The following MGAT4C variants were observed in gnomAD, a reference collection of about 807,000 sequenced individuals.
MGAT4C encodes MGAT4 family member C.
MGAT4C carries 19 observed loss-of-function variants against 40.1 expected under a neutral mutation model. That is an observed-to-expected ratio of 0.47 (90% CI 0.33 to 0.70). The LOEUF is 0.70. Among genes scored for constraint, MGAT4C ranks in the 30% least tolerant of loss-of-function variants. MGAT4C has a pLI of 0.02. For synonymous variants in MGAT4C, 181 were observed against 187.1 expected (o/e 0.97, Z 0.27); for missense variants, 491 against 563.2 (o/e 0.87, Z 1.30).
chr12:86,065,061 A>T (rs1404510601), intron 1 of MGAT4C, among the ~76,000 whole-genome samples: 2 of 152,200 alleles, frequency 1.3e-5, no homozygotes, highest in Admixed American at 1.3e-4. Context: ...AAATTGGGGC[A>T]GTAATTAATA....
chr12:86,405,275 T>C (rs1352060150), intron 3 of MGAT4C, among the ~76,000 whole-genome samples: 2 of 151,992 alleles, frequency 1.3e-5, no homozygotes, highest in African/African-American at 4.8e-5. Flanking sequence ...AAAATGTTCC[T>C]AGAACTAATA....
At chr12:86,767,058 C>CA (rs1269601855) in intron 1 of MGAT4C, among the ~76,000 whole-genome samples, 1 of 152,022 alleles carries the variant, frequency 6.6e-6, no homozygotes, top group African/African-American at 2.4e-5. Context: ...AAAAACCCTT[C>CA]AAAAAATTAA....
intron 2 of MGAT4C, among the ~76,000 whole-genome samples, chr12:86,672,845 C>T (rs939537874): frequency 2.6e-5 from 4 of 152,054 alleles, no homozygotes; most frequent in African/African-American, 9.7e-5. Context: ...CCGCAGACTT[C>T]AGCATCATGC....
intron 2 of MGAT4C, among the ~76,000 whole-genome samples, chr12:86,026,899 C>G (rs1050417442): frequency 6.6e-6 from 1 of 151,834 alleles, no homozygotes; most frequent in Non-Finnish European, 1.5e-5. Context: ...ATTAAAGTAG[C>G]AACAGTGAAG....
At chr12:86,808,485 C>G (rs1403306060) in intron 1 of MGAT4C, among the ~76,000 whole-genome samples, 1 of 151,994 alleles carries the variant, frequency 6.6e-6, no homozygotes, top group Non-Finnish European at 1.5e-5. Flanking sequence ...ATACACAAAT[C>G]AATAAATGTA....
At chr12:86,637,033 A>C (rs1294349606) in intron 2 of MGAT4C, among the ~76,000 whole-genome samples, 1 of 151,912 alleles carries the variant, frequency 6.6e-6, no homozygotes, top group Non-Finnish European at 1.5e-5. Context: ...AGCAAGTAGA[A>C]GGAGGATTAT....
At chr12:86,762,384 CT>C (rs896764354) in intron 1 of MGAT4C, among the ~76,000 whole-genome samples, 2 of 152,008 alleles carry the variant, frequency 1.3e-5, no homozygotes, top group African/African-American at 2.4e-5. Flanking sequence ...GCTTAGGGTC[CT>C]TTTCCAAACT....
At chr12:86,385,823 CCTTT>C (rs1163984485) in intron 3 of MGAT4C, among the ~76,000 whole-genome samples, 2 of 152,174 alleles carry the variant, frequency 1.3e-5, no homozygotes, top group Non-Finnish European at 2.9e-5. Flanking sequence ...CTCACGGTAC[CCTTT>C]CTGTCTTCCA....
At chr12:86,734,806 C>T (rs1483962411) in intron 1 of MGAT4C, among the ~76,000 whole-genome samples, 3 of 152,016 alleles carry the variant, frequency 2.0e-5, no homozygotes, top group African/African-American at 7.2e-5. Flanking sequence ...ATACAGTAGC[C>T]TGAACTGATG....
At chr12:86,249,144 C>A (rs951159316) in intron 1 of MGAT4C, among the ~76,000 whole-genome samples, 1 of 152,082 alleles carries the variant, frequency 6.6e-6, no homozygotes, top group Non-Finnish European at 1.5e-5. Flanking sequence ...CTGACCCCAG[C>A]CCAATAGTAA....
At chr12:86,119,278 T>A (rs1878956354) in intron 1 of MGAT4C, among the ~76,000 whole-genome samples, 1 of 152,094 alleles carries the variant, frequency 6.6e-6, no homozygotes, top group Admixed American at 6.6e-5. Context: ...AAGACCCACT[T>A]CCAGAGCAAA....
At position 86,803,292 on chromosome 12, in the gene MGAT4C, G is replaced by A. The variant is rs923104068; in HGVS notation, c.-262+35374C>T. On this transcript the variant is annotated intron_variant, in intron 1 of 7. Coordinates refer to the MGAT4C transcript ENST00000548651. ...AGATGGATTAAAGATTTAAACGTTAGACCTAAAACCATAAAAACCCTAGAA... is the reference window on the plus strand; with the variant it reads ...AGATGGATTAAAGATTTAAACGTTAAACCTAAAACCATAAAAACCCTAGAA... Among the ~76,000 whole-genome samples the A allele has an allele frequency of 8.0e-3, 1,211 of 151,146 alleles. 10 individuals are homozygous for A. Among genetic ancestry groups the A allele is most frequent in the Non-Finnish European group, 0.014 (956 of 67,420 alleles).
chr12:86,182,257 C>T (rs1050884036), intron 1 of MGAT4C, among the ~76,000 whole-genome samples: 6 of 151,950 alleles, frequency 3.9e-5, no homozygotes, highest in East Asian at 1.9e-4. Flanking sequence ...TTTCTCTTCT[C>T]GCTTTTGACT....
rs911491377 is a variant in MGAT4C, at chr12:85,972,682, G to T, written c.*6607C>A. 6.6e-6 allele frequency: 1 copy of T among 150,752 alleles called. No homozygotes were observed. The highest frequency in any genetic ancestry group is 1.5e-5 in the Non-Finnish European group (1 of 67,126). The allele number at this position is 150,752 out of a possible 1,614,324, so 9.3% of individuals were successfully genotyped here. ...GCAAGTGTTACTTGTATTGAAAACC[G>T]GATTACATTAAAGGATGGACAATTA... On this transcript the variant is annotated 3_prime_UTR_variant, in exon 5 of 5. Transcript: ENST00000611864.
intron 1 of MGAT4C, among the ~76,000 whole-genome samples, chr12:86,767,586 T>A (rs982086320): frequency 1.3e-5 from 2 of 152,090 alleles, no homozygotes; most frequent in Non-Finnish European, 2.9e-5. Context: ...GAGACCAATA[T>A]CCTTGATGAA....
At chr12:86,428,961 A>G (rs1401815874) in intron 3 of MGAT4C, among the ~76,000 whole-genome samples, 1 of 151,130 alleles carries the variant, frequency 6.6e-6, no homozygotes, top group Non-Finnish European at 1.5e-5. Context: ...TTTCTTTTCT[A>G]ATTCGATATT....
intron 3 of MGAT4C, among the ~76,000 whole-genome samples, chr12:86,385,562 T>C (rs1002560004): frequency 6.6e-6 from 1 of 152,238 alleles, no homozygotes; most frequent in Non-Finnish European, 1.5e-5. Flanking sequence ...GGCCTATGCA[T>C]AGCATGTATG....
chr12:86,140,162 C>G (rs1379716488), intron 1 of MGAT4C, among the ~76,000 whole-genome samples: 1 of 152,132 alleles, frequency 6.6e-6, no homozygotes, highest in Non-Finnish European at 1.5e-5. Context: ...ACCTGTTCCT[C>G]TGATTAACTT....
intron 4 of MGAT4C, among the ~76,000 whole-genome samples, chr12:86,275,878 A>T (rs1252640522): frequency 6.8e-6 from 1 of 147,348 alleles, no homozygotes; most frequent in East Asian, 2.0e-4. Flanking sequence ...GAGGCGGCGG[A>T]TCACGACGTC....
Sources: gnomAD v4.1 joint callset for allele counts (sites outside exome capture counted in the v4.1 genomes callset) on GRCh38, gnomAD v4.1.1 for gene constraint, MANE v1.5 for transcripts, NCBI Gene and HGNC (gene_info 2026-07-23, HGNC 2026-07-21) for gene names.